The following RESF1 variants were observed in gnomAD, a reference collection of about 807,000 sequenced individuals.
The protein encoded by RESF1 is gonad expressed transcript.
A neutral mutation model predicts 134.7 loss-of-function variants in RESF1; 65 were observed. That is an observed-to-expected ratio of 0.48 (90% CI 0.40 to 0.59). The LOEUF is 0.59. Among genes scored for constraint, RESF1 ranks in the 20% least tolerant of loss-of-function variants. RESF1 has a pLI of 0.00. For synonymous variants in RESF1, 762 were observed against 702.2 expected (o/e 1.09, Z -1.35); for missense variants, 2,274 against 2,002.7 (o/e 1.14, Z -2.59).
rs936713443 is a variant in RESF1, at chr12:31,974,889, G to C, written c.-79+4533G>C. 3.3e-5 allele frequency among the ~76,000 whole-genome samples: 5 copies of C among 151,016 alleles called. No individual in the cohort carries two copies. The South Asian group carries it at 8.4e-4, about 25-fold the overall frequency. On this transcript the variant is annotated intron_variant, in intron 3 of 5. Coordinates refer to ENST00000312561, the MANE Select transcript of RESF1 (RefSeq NM_018169.4). The stretch of plus-strand genomic sequence containing the variant: ...TGAGAGGAACAGAGTCCTAACGCCT[G>C]AGAGTTGTAAAATGAGTGTCAGCAT...
At chr12:31,988,990 AC>A (rs1940036550) in intron 5 of RESF1, among the ~76,000 whole-genome samples, 2 of 151,482 alleles carry the variant, frequency 1.3e-5, no homozygotes, top group Admixed American at 1.3e-4. Flanking sequence ...CACCGTGTCC[AC>A]CCGAATATAT....
chr12:31,965,607 G>A lies in RESF1; in HGVS notation c.-246-4582G>A, dbSNP rs113778048. Among the ~76,000 whole-genome samples, 460 of 152,202 alleles carry A rather than the reference G, an allele frequency of 3.0e-3. 2 individuals are homozygous for A. The highest frequency in any genetic ancestry group is 0.011 in the African/African-American group (440 of 41,536). ...CTACCCTCAACTGCATGGTTTAGAG[G>A]AACTCTTCTGTTCCACTGAAGGCAT... On this transcript the variant is annotated intron_variant, in intron 2 of 5. Coordinates refer to ENST00000312561, the MANE Select transcript of RESF1 (RefSeq NM_018169.4).
chr12:31,987,111 TTG>T, intron 4 of RESF1, 126 bp from the exon 5 acceptor site: 1 of 588,092 alleles, frequency 1.7e-6, no homozygotes, highest in Non-Finnish European at 3.1e-6. Flanking sequence ...TTTTTTAGAG[TTG>T]TGTTACATGT....
rs774381387 is a variant in RESF1, at chr12:31,984,332, A to G, written c.3377A>G (p.Tyr1126Cys). 9 of 1,613,950 alleles carry G rather than the reference A, an allele frequency of 5.6e-6. No homozygotes were observed. Among genetic ancestry groups the G allele is most frequent in the Middle Eastern group, 1.7e-4 (1 of 5,982 alleles). Residue 1126 changes from tyrosine (Y) to cysteine (C), a missense_variant, in exon 4 of 6, where the codon TAT (tyrosine) becomes TGT (cysteine). Tyr to Cys is a radical substitution (Grantham distance 194). Transcript: ENST00000312561. ...EIFPEQDDQP[Y>C]VVDKLAEPQK... ...TTTCCTGAACAGGATGATCAACCCT[A>G]TGTAGTAGACAAGTTGGCAGAACCT...
chr12:31,960,021 A>G (rs1372729773), intron 1 of RESF1: 2 of 151,964 alleles, frequency 1.3e-5, no homozygotes, highest in East Asian at 1.9e-4. Context: ...TCTTAAGCCG[A>G]AGCCTCCTGG....
intron 3 of RESF1, among the ~76,000 whole-genome samples, chr12:31,972,262 G>C (rs55665510): frequency 0.15 from 22,792 of 151,902 alleles, 1,939 homozygotes; most frequent in African/African-American, 0.23. Flanking sequence ...CAGCTGGTCG[G>C]TCGGAAGCAC....
chr12:31,971,123 T>C (rs1037471117), intron 3 of RESF1, among the ~76,000 whole-genome samples: 1 of 152,244 alleles, frequency 6.6e-6, no homozygotes, highest in Non-Finnish European at 1.5e-5. Flanking sequence ...GTCTGTTTTG[T>C]CTGATACTAG....
At chr12:31,967,218 T>C (rs1939417018) in intron 2 of RESF1, among the ~76,000 whole-genome samples, 1 of 152,184 alleles carries the variant, frequency 6.6e-6, no homozygotes, top group Non-Finnish European at 1.5e-5. Context: ...CTTAGTAATA[T>C]ATGAATCCAT....
chr12:31,960,616 A>G (rs539532015), intron 1 of RESF1, among the ~76,000 whole-genome samples, 161 bp from the exon 2 acceptor site: 63 of 152,350 alleles, frequency 4.1e-4, no homozygotes, highest in Middle Eastern at 3.4e-3. Flanking sequence ...GGCCAGACCT[A>G]GTTTCTATTT....
In RESF1 at chr12:31,983,462, A is replaced by C. The variant is rs764858736; in HGVS notation, c.2507A>C (p.Gln836Pro). The C allele has an allele frequency of 6.2e-7, 1 of 1,614,044 alleles. No individual in the cohort carries two copies. Among genetic ancestry groups the C allele is most frequent in the East Asian group, 2.2e-5 (1 of 44,872 alleles). ...TCAACCAAGATTTTTCCACTAACTC[A>C]GAAGGAAAAGCAGAATGAGTCAACT... ...ATSTKIFPLT[Q>P]KEKQNESTNG... Residue 836 changes from glutamine (Q) to proline (P), a missense_variant, in exon 4 of 6, where the codon CAG becomes CCG. Physicochemically the swap from Gln to Pro is moderately conservative, Grantham distance 76. Coordinates refer to ENST00000312561, the MANE Select transcript of RESF1 (RefSeq NM_018169.4).
chr12:31,987,163 C>A, intron 4 of RESF1, 76 bp from the exon 5 acceptor site: 1 of 773,144 alleles, frequency 1.3e-6, no homozygotes, highest in East Asian at 2.7e-5. Flanking sequence ...TTTCAGCTTA[C>A]ATGATTTTCC....
chr12:31,976,460 C>T (rs996247634), intron 3 of RESF1, among the ~76,000 whole-genome samples: 6 of 151,972 alleles, frequency 3.9e-5, no homozygotes, highest in East Asian at 1.9e-4. Context: ...TTGGGTGCGG[C>T]GGATCACAAG....
rs1022069181 is a variant in RESF1, at chr12:31,982,273, A to G, written c.1318A>G (p.Asn440Asp). Residue 440 changes from asparagine (N) to aspartate (D), a missense_variant, in exon 4 of 6, where the codon AAT (asparagine) becomes GAT (aspartate). Physicochemically the swap from Asn to Asp is conservative, Grantham distance 23. Transcript: ENST00000312561. ...TNTSYSEPAQ[N>D]SKLSLKQTAK... ...TACTTCTTATAGTGAACCAGCTCAG[A>G]ATTCTAAATTGTCTCTAAAACAAAC... The G allele has an allele frequency of 2.5e-6, 4 of 1,613,994 alleles. No homozygotes were observed. In the African/African-American group the frequency reaches 4.0e-5, roughly 16 times the overall value.
intron 3 of RESF1, among the ~76,000 whole-genome samples, chr12:31,971,088 C>G (rs1171113943): frequency 6.6e-6 from 1 of 152,234 alleles, no homozygotes; most frequent in Non-Finnish European, 1.5e-5. Flanking sequence ...TAAAATGCAT[C>G]TCTTTATCAG....
In RESF1 at chr12:31,982,879, G is replaced by A; in HGVS notation, c.1924G>A (p.Gly642Ser). Residue 642 changes from glycine (G) to serine (S), a missense_variant, in exon 4 of 6, where the codon GGC becomes AGC. Coordinates refer to ENST00000312561, the MANE Select transcript of RESF1 (RefSeq NM_018169.4). ...AACTCCAAGTACTTCTAATGTAAGTGGCAGGGTTTTGGACAACTCCTTTTG... is the reference window on the plus strand; with the variant it reads ...AACTCCAAGTACTTCTAATGTAAGTAGCAGGGTTTTGGACAACTCCTTTTG... ...METPSTSNVS[G>S]RVLDNSFCSG... is the part of the protein sequence containing the mutation. 1 of 1,614,090 alleles carries A rather than the reference G, an allele frequency of 6.2e-7. No individual in the cohort carries two copies. The highest frequency in any genetic ancestry group is 1.1e-5 in the South Asian group (1 of 91,078).
chr12:31,974,211 A>T (rs1172921258), intron 3 of RESF1, among the ~76,000 whole-genome samples: 5 of 151,584 alleles, frequency 3.3e-5, no homozygotes, highest in African/African-American at 1.2e-4. Context: ...CACTCCTGTT[A>T]CTCAGGAGAT....
chr12:31,984,024 G>C lies in RESF1; in HGVS notation c.3069G>C (p.Gln1023His), dbSNP rs1280968839. ...CTATTCAGGAGGATATTTACCCTCA[G>C]GAAATAGATGCATCCAGCAACTATA... The part of the protein sequence containing the change: ...SAAIQEDIYP[Q>H]EIDASSNYTP... The change falls in exon 4 of 6, where the codon CAG (glutamine) becomes CAC (histidine). Residue 1023 changes from glutamine to histidine, a missense_variant. Transcript: ENST00000312561. 1.2e-6 allele frequency: 2 copies of C among 1,613,862 alleles called. No homozygotes were observed. Among genetic ancestry groups the C allele is most frequent in the Non-Finnish European group, 1.7e-6 (2 of 1,179,976 alleles).
intron 5 of RESF1, among the ~76,000 whole-genome samples, chr12:31,991,613 C>CTGTT (rs150787872): frequency 0.25 from 37,625 of 151,792 alleles, 5,817 homozygotes; most frequent in South Asian, 0.39. Context: ...TACAGCAATT[C>CTGTT]TGTTTGTTTG....
Position 31,981,965 on chromosome 12 carries a change from T to C in RESF1, c.1010T>C (p.Phe337Ser). The change falls in exon 4 of 6, where the codon TTC becomes TCC. Residue 337 changes from phenylalanine to serine, a missense_variant. By Grantham distance (155) the Phe-to-Ser change is radical. Coordinates refer to ENST00000312561, the MANE Select transcript of RESF1 (RefSeq NM_018169.4). ...PNENVSTIGN[F>S]TNLKVNTNSK... ...GAAAATGTCAGCACAATTGGAAATT[T>C]CACTAACTTGAAAGTAAATACCAAC... 6.2e-7 allele frequency: 1 copy of C among 1,614,200 alleles called. No homozygotes were observed. Among genetic ancestry groups the C allele is most frequent in the Non-Finnish European group, 8.5e-7 (1 of 1,180,030 alleles).
Sources: gnomAD v4.1 joint callset for allele counts (sites outside exome capture counted in the v4.1 genomes callset) on GRCh38, gnomAD v4.1.1 for gene constraint, MANE v1.5 for transcripts, NCBI Gene and HGNC (gene_info 2026-07-23, HGNC 2026-07-21) for gene names.